The following NUSAP1 variants were observed in gnomAD, a reference collection of about 807,000 sequenced individuals.
NUSAP1 encodes the protein nucleolar and spindle associated protein 1, also known as nucleolar and spindle-associated protein 1.
Under a neutral mutation model 52.8 loss-of-function variants are expected in NUSAP1, and 32 were observed. The observed-to-expected ratio is 0.61, with a 90% CI of 0.46 to 0.81. NUSAP1 has a LOEUF of 0.81. Among genes scored for constraint, NUSAP1 ranks in the 40% least tolerant of loss-of-function variants. The pLI is 0.00. For synonymous variants in NUSAP1, 195 were observed against 183.1 expected (o/e 1.06, Z -0.52); for missense variants, 499 against 522.3 (o/e 0.96, Z 0.43).
intron 1 of NUSAP1, 119 bp downstream of exon 1, chr15:41,333,169 C>T (rs2047982661): frequency 6.9e-6 from 5 of 723,452 alleles, no homozygotes; most frequent in Non-Finnish European, 9.6e-6. Context: ...CCCTGCCCCT[C>T]GGGCAGTAGA....
intron 1 of NUSAP1, among the ~76,000 whole-genome samples, chr15:41,339,028 A>G (rs999451075): frequency 6.6e-6 from 1 of 152,128 alleles, no homozygotes; most frequent in African/African-American, 2.4e-5. Flanking sequence ...CTTCCCTCAC[A>G]TCTAAAATAA....
At chr15:41,350,747 TTGCTAACAGAGCTAATC>T (rs1330332064) in intron 3 of NUSAP1, among the ~76,000 whole-genome samples, 3 of 152,206 alleles carry the variant, frequency 2.0e-5, no homozygotes, top group Admixed American at 6.6e-5. Flanking sequence ...TCATTTGTCC[TTGCTAACAGAGCTAATC>T]TTGCCATTTC....
intron 6 of NUSAP1, among the ~76,000 whole-genome samples, chr15:41,360,589 C>G: frequency 6.6e-6 from 1 of 151,528 alleles, no homozygotes; most frequent in Non-Finnish European, 1.5e-5. Context: ...GTGCTGGGAT[C>G]ACAGGCATAA....
chr15:41,353,896 C>T (rs2048866537), intron 4 of NUSAP1, among the ~76,000 whole-genome samples: 1 of 152,130 alleles, frequency 6.6e-6, no homozygotes, highest in Non-Finnish European at 1.5e-5. Context: ...TCATTATTTC[C>T]ACTGTACTAC....
At chr15:41,347,882 C>T (rs1037049327) in intron 2 of NUSAP1, among the ~76,000 whole-genome samples, 2 of 151,370 alleles carry the variant, frequency 1.3e-5, no homozygotes, top group East Asian at 3.9e-4. Flanking sequence ...CAACATTTTG[C>T]GAGGCCAAGG....
chr15:41,371,767 T>G, intron 8 of NUSAP1, 83 bp downstream of exon 8: 1 of 1,444,000 alleles, frequency 6.9e-7, no homozygotes, highest in Non-Finnish European at 9.2e-7. Context: ...ATCTGTTTTT[T>G]TTGTTTGTTT....
chr15:41,342,590 C>A, intron 2 of NUSAP1, 136 bp downstream of exon 2: 1 of 651,144 alleles, frequency 1.5e-6, no homozygotes, highest in Non-Finnish European at 2.6e-6. Context: ...ATACTCCTAG[C>A]ACTTTGGTAG....
At chr15:41,347,062 G>A (rs2140587899) in intron 2 of NUSAP1, among the ~76,000 whole-genome samples, 1 of 151,614 alleles carries the variant, frequency 6.6e-6, no homozygotes. Flanking sequence ...ATCCCAGCTA[G>A]TCATAAGGCT....
At chr15:41,343,619 G>T (rs1404279228) in intron 2 of NUSAP1, among the ~76,000 whole-genome samples, 1 of 152,062 alleles carries the variant, frequency 6.6e-6, no homozygotes, top group African/African-American at 2.4e-5. Flanking sequence ...CTCCCAAAGT[G>T]CTGGGATTAC....
At chr15:41,359,568 T>C (rs1227287811) in intron 6 of NUSAP1, among the ~76,000 whole-genome samples, 2 of 152,070 alleles carry the variant, frequency 1.3e-5, no homozygotes, top group Admixed American at 6.6e-5. Context: ...AGAAGCTTAA[T>C]TGAAATAATA....
intron 2 of NUSAP1, among the ~76,000 whole-genome samples, chr15:41,343,760 G>A (rs1262529037): frequency 6.6e-6 from 1 of 151,764 alleles, no homozygotes; most frequent in Non-Finnish European, 1.5e-5. Context: ...CAAAGTGCTG[G>A]GATTACAGGT....
chr15:41,377,496 G>A (rs559932228), intron 10 of NUSAP1, among the ~76,000 whole-genome samples, 192 bp downstream of exon 10: 6 of 150,338 alleles, frequency 4.0e-5, no homozygotes, highest in Admixed American at 1.3e-4. Flanking sequence ...TCAGGAGATC[G>A]AAACCATCCT....
intron 4 of NUSAP1, 80 bp downstream of exon 4, chr15:41,351,209 G>A: frequency 4.9e-6 from 7 of 1,416,262 alleles, no homozygotes; most frequent in Non-Finnish European, 6.7e-6. Context: ...TAATTTCCTA[G>A]GACTGTTGTG....
intron 9 of NUSAP1, 66 bp downstream of exon 9, chr15:41,375,894 C>G (rs541262187): frequency 9.1e-7 from 1 of 1,095,246 alleles, no homozygotes; most frequent in Non-Finnish European, 1.4e-6. Context: ...CGCAGTGGCT[C>G]ACACCTACTA....
chr15:41,379,351 C>T (rs1288782266), intron 10 of NUSAP1, among the ~76,000 whole-genome samples: 2 of 151,242 alleles, frequency 1.3e-5, no homozygotes, highest in African/African-American at 4.9e-5. Flanking sequence ...GACTGGAGTA[C>T]AATGGCATGA....
chr15:41,353,137 A>G (rs933714845), intron 4 of NUSAP1, among the ~76,000 whole-genome samples: 3 of 152,024 alleles, frequency 2.0e-5, no homozygotes, highest in South Asian at 2.1e-4. Flanking sequence ...GTTACTCTAC[A>G]TAAATATCCT....
chr15:41,338,295 G>A (rs1424710119), intron 1 of NUSAP1, among the ~76,000 whole-genome samples: 2 of 152,076 alleles, frequency 1.3e-5, no homozygotes, highest in East Asian at 3.9e-4. Context: ...ATCTCCAGTA[G>A]GACCTCTCTC....
intron 1 of NUSAP1, among the ~76,000 whole-genome samples, chr15:41,334,225 TCTC>T (rs1489927894): frequency 6.6e-6 from 1 of 152,154 alleles, no homozygotes; most frequent in African/African-American, 2.4e-5. Flanking sequence ...TTCAAGCGAT[TCTC>T]CTGCCTCAGC....
At chr15:41,334,647 A>T (rs1001848985) in intron 1 of NUSAP1, among the ~76,000 whole-genome samples, 2 of 151,930 alleles carry the variant, frequency 1.3e-5, no homozygotes, top group South Asian at 2.1e-4. Flanking sequence ...TCTTTGTCCC[A>T]TTGCTCATTT....
Sources: gnomAD v4.1 joint callset for allele counts (sites outside exome capture counted in the v4.1 genomes callset) on GRCh38, gnomAD v4.1.1 for gene constraint, MANE v1.5 for transcripts, NCBI Gene and HGNC (gene_info 2026-07-23, HGNC 2026-07-21) for gene names.